Variants in NTM observed in about 807,000 individuals in gnomAD.
NTM encodes the protein neurotrimin.
In NTM, 13 loss-of-function variants were observed where a neutral mutation model predicts 42.1. The ratio of observed to expected loss-of-function variants is 0.31; its 90% confidence interval spans 0.20 to 0.49. The LOEUF is 0.49. NTM is among the 20% of genes least tolerant of loss of function. The pLI, the probability that NTM is intolerant of heterozygous loss-of-function variation, is 0.99. For synonymous variants in NTM, 187 were observed against 179.2 expected (o/e 1.04, Z -0.35); for missense variants, 373 against 452.8 (o/e 0.82, Z 1.60).
chr11:131,795,638 T>C lies in NTM; in HGVS notation c.83-115926T>C, dbSNP rs576680189. ...GACCCTTGTAGGAGCTTGATTCCCA[T>C]GTAGGCCAGTACAGTGCCAGTGCCC... On this transcript the variant is annotated intron_variant, in intron 1 of 8. Transcript: ENST00000683400. The C allele has an allele frequency of 8.1e-6, 8 of 985,396 alleles. No individual in the cohort carries two copies. In the East Asian group the frequency reaches 6.8e-4, roughly 84 times the overall value. The allele number at this position is 985,396 out of a possible 1,614,324, so 61.0% of individuals were successfully genotyped here. A position where few individuals can be genotyped will look rare whatever the true frequency, so the allele number is the denominator to read the frequency against.
chr11:131,897,079 G>A (rs1037817965), intron 1 of NTM: 2 of 152,138 alleles, frequency 1.3e-5, no homozygotes, highest in Admixed American at 6.5e-5. Flanking sequence ...GCGTTGCTGC[G>A]TCTCTAACCT....
intron 1 of NTM, among the ~76,000 whole-genome samples, chr11:131,560,146 T>C (rs1044475186): frequency 2.6e-5 from 4 of 152,170 alleles, no homozygotes; most frequent in Non-Finnish European, 5.9e-5. Flanking sequence ...TTTGAACCAA[T>C]CCTGTGAAGT....
chr11:132,147,208 TGTGTGTGAGA>T (rs1453972082), intron 3 of NTM, among the ~76,000 whole-genome samples: 197 of 127,234 alleles, frequency 1.5e-3, no homozygotes, highest in African/African-American at 5.0e-3. Context: ...TGTGTGTGTG[TGTGTGTGAGA>T]GAGAGAGAGA....
intron 4 of NTM, among the ~76,000 whole-genome samples, chr11:132,236,923 G>A (rs1269909355): frequency 1.3e-5 from 2 of 152,156 alleles, no homozygotes; most frequent in East Asian, 1.9e-4. Flanking sequence ...ACCACATGGC[G>A]AGACCTTCAA....
intron 1 of NTM, among the ~76,000 whole-genome samples, chr11:131,728,988 G>A (rs1227857719): frequency 6.6e-6 from 1 of 152,110 alleles, no homozygotes; most frequent in Non-Finnish European, 1.5e-5. Context: ...AATGATATAT[G>A]GTATAAGATA....
At chr11:131,965,996 G>C (rs1159860652) in intron 2 of NTM, among the ~76,000 whole-genome samples, 7 of 151,706 alleles carry the variant, frequency 4.6e-5, no homozygotes, top group South Asian at 2.1e-4. Context: ...ACATGAGAGG[G>C]AAGGGAGGAA....
intron 1 of NTM, among the ~76,000 whole-genome samples, chr11:131,383,688 T>C (rs916537991): frequency 3.9e-5 from 6 of 152,136 alleles, no homozygotes; most frequent in African/African-American, 7.2e-5. Context: ...ATTGTTTTCA[T>C]TGAAGATTTT....
At chr11:131,886,607 C>T (rs1378258470) in intron 1 of NTM, among the ~76,000 whole-genome samples, 1 of 152,208 alleles carries the variant, frequency 6.6e-6, no homozygotes, top group Non-Finnish European at 1.5e-5. Flanking sequence ...GCTAACTCGG[C>T]AGGGATTGCT....
chr11:131,671,053 T>C (rs1422823236), intron 1 of NTM, among the ~76,000 whole-genome samples: 1 of 152,134 alleles, frequency 6.6e-6, no homozygotes, highest in Non-Finnish European at 1.5e-5. Context: ...CCCTTCTCTG[T>C]TTCCTGCCCC....
intron 1 of NTM, among the ~76,000 whole-genome samples, chr11:131,383,958 TG>T (rs1488479673): frequency 1.3e-5 from 2 of 152,156 alleles, no homozygotes; most frequent in Admixed American, 6.5e-5. Flanking sequence ...ATTCAAAAGT[TG>T]TGGAGGTAGA....
At chr11:131,963,957 T>C (rs1405055013) in intron 2 of NTM, among the ~76,000 whole-genome samples, 1 of 152,230 alleles carries the variant, frequency 6.6e-6, no homozygotes, top group Non-Finnish European at 1.5e-5. Flanking sequence ...TAATCTGTCT[T>C]AGTATAACTA....
intron 1 of NTM, among the ~76,000 whole-genome samples, chr11:131,681,251 G>GTA (rs1346070142): frequency 9.5e-5 from 5 of 52,514 alleles, no homozygotes; most frequent in Admixed American, 2.6e-4. Flanking sequence ...GTGAGCGTGT[G>GTA]TTTCTGTGTC....
intron 2 of NTM, among the ~76,000 whole-genome samples, chr11:131,988,614 G>GT (rs965587623): frequency 1.1e-4 from 16 of 152,280 alleles, no homozygotes; most frequent in Middle Eastern, 3.4e-3. Context: ...CTGAGATCAG[G>GT]TTTTTTCTCC....
intron 8 of NTM, 35 bp from the exon 9 acceptor site, chr11:132,335,011 C>A: frequency 6.2e-7 from 1 of 1,601,356 alleles, no homozygotes. Flanking sequence ...CCATTTTCTC[C>A]CAGACCACTC....
At chr11:131,822,671 A>C (rs1015412509) in intron 1 of NTM, among the ~76,000 whole-genome samples, 2 of 152,150 alleles carry the variant, frequency 1.3e-5, no homozygotes, top group African/African-American at 2.4e-5. Flanking sequence ...GTAATGTGTT[A>C]CTTTCGTGTG....
chr11:131,750,202 CTT>C (rs1448040654), intron 1 of NTM, among the ~76,000 whole-genome samples: 5 of 152,218 alleles, frequency 3.3e-5, no homozygotes, highest in Non-Finnish European at 5.9e-5. Context: ...AGAGAGAACT[CTT>C]TTTATTTTAT....
At chr11:131,734,651 A>G (rs774959104) in intron 1 of NTM, among the ~76,000 whole-genome samples, 15 of 152,206 alleles carry the variant, frequency 9.9e-5, no homozygotes, top group Non-Finnish European at 1.9e-4. Flanking sequence ...GGGTAGCTAC[A>G]CTATCAATAC....
intron 2 of NTM, among the ~76,000 whole-genome samples, chr11:132,125,098 G>T (rs936170068): frequency 2.6e-5 from 4 of 152,120 alleles, no homozygotes; most frequent in Non-Finnish European, 5.9e-5. Context: ...CACACTGCCC[G>T]CATATCTGTC....
intron 1 of NTM, among the ~76,000 whole-genome samples, chr11:131,406,160 T>C (rs1309644194): frequency 2.0e-5 from 3 of 152,236 alleles, no homozygotes; most frequent in Admixed American, 6.5e-5. Context: ...CTTTAAGACT[T>C]AAGGTGGTAT....
Sources: allele counts gnomAD v4.1 joint callset (sites outside exome capture counted in the v4.1 genomes callset), GRCh38; gene constraint gnomAD v4.1.1; transcripts MANE v1.5; gene names NCBI Gene and HGNC (gene_info 2026-07-23, HGNC 2026-07-21).